The following PRKCA variants were observed in gnomAD, a reference collection of about 807,000 sequenced individuals.
PRKCA encodes the protein protein kinase C alpha, also known as protein kinase C alpha type.
In PRKCA, 27 loss-of-function variants were observed where a neutral mutation model predicts 87.0. The observed-to-expected ratio is 0.31, with a 90% CI of 0.23 to 0.43. The LOEUF is 0.43. Among genes scored for constraint, PRKCA ranks in the 20% least tolerant of loss-of-function variants. The pLI, the probability that PRKCA is intolerant of heterozygous loss-of-function variation, is 1.00. For synonymous variants in PRKCA, 329 were observed against 311.1 expected (o/e 1.06, Z -0.61); for missense variants, 518 against 852.3 (o/e 0.61, Z 4.88).
intron 5 of PRKCA, among the ~76,000 whole-genome samples, chr17:66,664,979 G>A (rs147814620): frequency 7.6e-4 from 115 of 152,146 alleles, no homozygotes; most frequent in Middle Eastern, 3.4e-3. Flanking sequence ...GCAGAAAATT[G>A]TATCCCCACT....
chr17:66,337,417 T>C (rs1906767712), intron 2 of PRKCA, among the ~76,000 whole-genome samples: 1 of 151,878 alleles, frequency 6.6e-6, no homozygotes, highest in Admixed American at 6.6e-5. Flanking sequence ...TTTGAGACAG[T>C]CTCACTCTGT....
intron 13 of PRKCA, among the ~76,000 whole-genome samples, chr17:66,771,458 G>A (rs1974931675): frequency 6.6e-6 from 1 of 152,154 alleles, no homozygotes; most frequent in Admixed American, 6.5e-5. Flanking sequence ...CCACAAAATA[G>A]CAGGCTCACA....
At position 66,789,612 on chromosome 17, in the gene PRKCA, C is replaced by T. The variant is rs561181640; in HGVS notation, c.1854+633C>T. Among the ~76,000 whole-genome samples the T allele has an allele frequency of 3.9e-5, 6 of 152,344 alleles. No homozygotes were observed. The East Asian group carries it at 9.6e-4, about 24-fold the overall frequency. On this transcript the variant is annotated intron_variant, in intron 16 of 16. Transcript: ENST00000413366. ...TGAGTGCCTTACGAATATTAATTCACTCAATCATCCCAGCAGCCCTGTGAG... is the reference window on the plus strand; with the variant it reads ...TGAGTGCCTTACGAATATTAATTCATTCAATCATCCCAGCAGCCCTGTGAG...
chr17:66,336,229 C>G (rs1598599679), intron 2 of PRKCA, among the ~76,000 whole-genome samples: 2 of 152,246 alleles, frequency 1.3e-5, no homozygotes, highest in Middle Eastern at 6.8e-3. Context: ...TAATATCAAA[C>G]AAGACTGAAT....
intron 2 of PRKCA, among the ~76,000 whole-genome samples, chr17:66,380,137 T>C (rs1434953931): frequency 6.6e-6 from 1 of 151,972 alleles, no homozygotes; most frequent in Admixed American, 6.6e-5. Flanking sequence ...TGTTTTGACA[T>C]TACCCCCAGT....
intron 3 of PRKCA, among the ~76,000 whole-genome samples, chr17:66,550,079 A>G (rs917966255): frequency 2.6e-5 from 4 of 152,090 alleles, no homozygotes; most frequent in Non-Finnish European, 4.4e-5. Context: ...GTTGTATTTC[A>G]TATACTTCCC....
intron 2 of PRKCA, among the ~76,000 whole-genome samples, chr17:66,436,123 A>G (rs2143850385): frequency 6.6e-6 from 1 of 152,290 alleles, no homozygotes; most frequent in South Asian, 2.1e-4. Context: ...CAATAATTGG[A>G]TGGTAAAGAA....
At chr17:66,347,232 T>A (rs1183299143) in intron 2 of PRKCA, among the ~76,000 whole-genome samples, 1 of 151,990 alleles carries the variant, frequency 6.6e-6, no homozygotes, top group Admixed American at 6.6e-5. Context: ...ACAAAAAAAA[T>A]TTAGTGGGAA....
At chr17:66,447,159 C>T (rs930255336) in intron 2 of PRKCA, among the ~76,000 whole-genome samples, 3 of 152,160 alleles carry the variant, frequency 2.0e-5, no homozygotes, top group Admixed American at 6.5e-5. Flanking sequence ...AATGTTTTGG[C>T]AGGGACTTGA....
At chr17:66,711,605 G>A (rs1344965280) in intron 8 of PRKCA, among the ~76,000 whole-genome samples, 4 of 152,174 alleles carry the variant, frequency 2.6e-5, no homozygotes, top group East Asian at 3.9e-4. Flanking sequence ...TGCTCTCAGC[G>A]TATTGCCTGT....
intron 2 of PRKCA, among the ~76,000 whole-genome samples, chr17:66,335,677 C>T (rs1336676043): frequency 6.6e-6 from 1 of 151,976 alleles, no homozygotes; most frequent in Non-Finnish European, 1.5e-5. Flanking sequence ...GATCATTTCC[C>T]ACATTACATA....
At chr17:66,709,100 C>T (rs1448974990) in intron 8 of PRKCA, among the ~76,000 whole-genome samples, 7 of 152,092 alleles carry the variant, frequency 4.6e-5, no homozygotes, top group Non-Finnish European at 7.3e-5. Flanking sequence ...CTCTGATCTC[C>T]TCTGTTCAGG....
chr17:66,560,442 A>T (rs1049006774), intron 3 of PRKCA, among the ~76,000 whole-genome samples: 1 of 152,130 alleles, frequency 6.6e-6, no homozygotes, highest in African/African-American at 2.4e-5. Context: ...GCCCATTGTC[A>T]GTGTATTATT....
In PRKCA at chr17:66,735,685, C is replaced by T. The variant is rs527637123; in HGVS notation, c.1230+23C>T. ...GTGGTAAGGACCCTGGGAATCCCTG[C>T]GATGCAGTACCCAGCTCTCAGAGCT... On this transcript the variant is annotated intron_variant, in intron 10 of 16. Transcript: ENST00000413366. The T allele has an allele frequency of 1.0e-5, 16 of 1,606,918 alleles. No homozygotes were observed. The East Asian group carries it at 2.5e-4, about 25-fold the overall frequency.
At chr17:66,324,448 A>AC (rs1905858925) in intron 2 of PRKCA, among the ~76,000 whole-genome samples, 1 of 40,336 alleles carries the variant, frequency 2.5e-5, no homozygotes, top group Non-Finnish European at 6.0e-5. Context: ...CTAAAAATAC[A>AC]AAAAAAAAAA....
intron 2 of PRKCA, among the ~76,000 whole-genome samples, chr17:66,344,295 T>C (rs1393475923): frequency 6.6e-6 from 1 of 152,250 alleles, no homozygotes; most frequent in Non-Finnish European, 1.5e-5. Flanking sequence ...GCGGTAATTG[T>C]GCATGTACTA....
chr17:66,496,663 C>T (rs748387226), intron 3 of PRKCA, among the ~76,000 whole-genome samples: 1 of 133,424 alleles, frequency 7.5e-6, no homozygotes, highest in Non-Finnish European at 1.6e-5. Context: ...CCGTCCTCTT[C>T]GATGGAGTCT....
At chr17:66,772,410 A>G (rs1974953108) in intron 13 of PRKCA, among the ~76,000 whole-genome samples, 1 of 152,206 alleles carries the variant, frequency 6.6e-6, no homozygotes, top group South Asian at 2.1e-4. Context: ...ACATGCAGAA[A>G]TATTAGTAAT....
chr17:66,644,161 T>C (rs764521222), intron 4 of PRKCA, among the ~76,000 whole-genome samples: 2 of 152,242 alleles, frequency 1.3e-5, no homozygotes, highest in Non-Finnish European at 2.9e-5. Flanking sequence ...CAGTTAGCCT[T>C]GGAAATAGAA....
Sources: allele counts gnomAD v4.1 joint callset (sites outside exome capture counted in the v4.1 genomes callset), GRCh38; gene constraint gnomAD v4.1.1; transcripts MANE v1.5; gene names NCBI Gene and HGNC (gene_info 2026-07-23, HGNC 2026-07-21).